The following TENM2 variants were observed in gnomAD, a reference collection of about 807,000 sequenced individuals.
TENM2 encodes teneurin-2.
Under a neutral mutation model 245.2 loss-of-function variants are expected in TENM2, and 52 were observed. The observed-to-expected ratio is 0.21, with a 90% CI of 0.17 to 0.27. The LOEUF (loss-of-function observed/expected upper bound fraction) is 0.27. Ranked by LOEUF, TENM2 falls within the 10% of genes least tolerant of loss-of-function variation. The pLI, the probability that TENM2 is intolerant of heterozygous loss-of-function variation, is 1.00. For missense variants in TENM2, 3,046 were observed against 3,666.8 expected, an observed-to-expected ratio of 0.83 and a Z score of 4.37; for synonymous variants, 1,363 against 1,438.9, an observed-to-expected ratio of 0.95 and a Z score of 1.19.
At chr5:167,334,299 T>A (rs559814678) in intron 1 of TENM2, among the ~76,000 whole-genome samples, 2 of 152,286 alleles carry the variant, frequency 1.3e-5, no homozygotes, top group African/African-American at 4.8e-5. Context: ...AACTGACCTT[T>A]AGCAGATCCA....
At chr5:167,794,933 T>C (rs1033686076) in intron 2 of TENM2, among the ~76,000 whole-genome samples, 8 of 152,220 alleles carry the variant, frequency 5.3e-5, no homozygotes, top group Admixed American at 1.3e-4. Flanking sequence ...GAGGTTAACA[T>C]TGGGGAGACT....
chr5:167,543,423 G>A (rs554671052), intron 2 of TENM2, among the ~76,000 whole-genome samples: 1 of 152,222 alleles, frequency 6.6e-6, no homozygotes, highest in African/African-American at 2.4e-5. Flanking sequence ...CAAGGTGCCT[G>A]GATATAGGGA....
chr5:168,033,897 G>A lies in TENM2; in HGVS notation c.1187-13530G>A, dbSNP rs147950624. On this transcript the variant is annotated intron_variant, in intron 5 of 28. Transcript: ENST00000518659. ...CAAAAATTAGCCAGGTGTGGTTGTG[G>A]GCACCTATAGTCCCAGCTACTCTGG... Among the ~76,000 whole-genome samples the A allele has an allele frequency of 5.9e-3, 890 of 151,778 alleles. 6 individuals carry two copies. Among genetic ancestry groups the A allele is most frequent in the East Asian group, 0.036 (183 of 5,146 alleles).
At chr5:168,219,457 G>A (rs1466994999) in intron 23 of TENM2, among the ~76,000 whole-genome samples, 1 of 152,118 alleles carries the variant, frequency 6.6e-6, no homozygotes, top group South Asian at 2.1e-4. Flanking sequence ...GAAGCAGATC[G>A]ATACAGATAA....
chr5:167,842,293 C>CA (rs200638374), intron 2 of TENM2, among the ~76,000 whole-genome samples: 219 of 151,826 alleles, frequency 1.4e-3, no homozygotes, highest in African/African-American at 4.8e-3. Flanking sequence ...CAAAACAAAA[C>CA]AAAAAAAACT....
chr5:167,140,587 C>T, the TENM2 span, among the ~76,000 whole-genome samples: 1 of 152,230 alleles, frequency 6.6e-6, no homozygotes, highest in African/African-American at 2.4e-5. Context: ...TTTCCTGAAA[C>T]TGACATAATG....
intron 5 of TENM2, among the ~76,000 whole-genome samples, chr5:168,013,525 A>C (rs1785423687): frequency 6.6e-6 from 1 of 152,138 alleles, no homozygotes; most frequent in African/African-American, 2.4e-5. Flanking sequence ...AATCACTGGA[A>C]CCCAGTAAGC....
At chr5:168,006,387 A>C (rs1784821602) in intron 5 of TENM2, among the ~76,000 whole-genome samples, 1 of 152,182 alleles carries the variant, frequency 6.6e-6, no homozygotes, top group South Asian at 2.1e-4. Context: ...AAGGTTTTCC[A>C]CATGTGCATA....
At chr5:167,669,694 T>C (rs1326268505) in intron 2 of TENM2, among the ~76,000 whole-genome samples, 1 of 152,096 alleles carries the variant, frequency 6.6e-6, no homozygotes, top group African/African-American at 2.4e-5. Context: ...GGCTTCATAC[T>C]GATTGTACTT....
At chr5:167,313,802 T>A (rs1443194956) in intron 1 of TENM2, among the ~76,000 whole-genome samples, 1 of 152,228 alleles carries the variant, frequency 6.6e-6, no homozygotes, top group African/African-American at 2.4e-5. Flanking sequence ...GTAGTCATTT[T>A]AATTCCAAAT....
At chr5:167,986,714 C>A (rs746129262) in intron 4 of TENM2, among the ~76,000 whole-genome samples, 1 of 152,190 alleles carries the variant, frequency 6.6e-6, no homozygotes, top group Non-Finnish European at 1.5e-5. Flanking sequence ...AGCTGAGCTA[C>A]TTCCATGACC....
intron 2 of TENM2, among the ~76,000 whole-genome samples, chr5:167,871,557 A>T (rs570280457): frequency 6.6e-6 from 1 of 152,344 alleles, no homozygotes; most frequent in African/African-American, 2.4e-5. Context: ...ACTTTGATTT[A>T]CATGGGGATC....
intron 5 of TENM2, among the ~76,000 whole-genome samples, chr5:168,002,895 C>A (rs1477786575): frequency 1.3e-5 from 2 of 152,136 alleles, no homozygotes; most frequent in East Asian, 1.9e-4. Flanking sequence ...GCCTTAATAT[C>A]CAGGATATTT....
intron 2 of TENM2, among the ~76,000 whole-genome samples, chr5:167,773,158 A>G (rs1763514102): frequency 6.6e-6 from 1 of 152,196 alleles, no homozygotes; most frequent in South Asian, 2.1e-4. Context: ...CTGTTTGAGA[A>G]ATATGGTTAG....
intron 25 of TENM2, 134 bp downstream of exon 27, chr5:168,228,264 C>G: frequency 1.4e-6 from 1 of 711,654 alleles, no homozygotes; most frequent in Non-Finnish European, 2.3e-6. Flanking sequence ...GAGAAAGTTT[C>G]CCAGCTTCAA....
chr5:167,733,881 C>T (rs1760610647), intron 2 of TENM2, among the ~76,000 whole-genome samples: 1 of 152,144 alleles, frequency 6.6e-6, no homozygotes, highest in Non-Finnish European at 1.5e-5. Context: ...TGCCACAGAA[C>T]CCACAGGGAA....
intron 3 of TENM2, among the ~76,000 whole-genome samples, chr5:167,876,701 T>C (rs374598791): frequency 1.6e-4 from 25 of 152,326 alleles, no homozygotes; most frequent in African/African-American, 5.8e-4. Flanking sequence ...TTGACATCAG[T>C]ACTGAATGTC....
intron 15 of TENM2, among the ~76,000 whole-genome samples, chr5:168,198,213 T>TG (rs1562270872): frequency 2.1e-5 from 3 of 146,310 alleles, no homozygotes; most frequent in African/African-American, 5.2e-5. Flanking sequence ...TTTTTTTTTT[T>TG]GAGACAGAGT....
At chr5:168,215,299 C>T (rs970358977) in intron 21 of TENM2, 27 bp downstream of exon 23, 44 of 1,588,360 alleles carry the variant, frequency 2.8e-5, no homozygotes, top group East Asian at 4.5e-5. Context: ...AAGAGTCTCC[C>T]GCCCCAGATA....
Sources: allele counts gnomAD v4.1 joint callset (sites outside exome capture counted in the v4.1 genomes callset), GRCh38; gene constraint gnomAD v4.1.1; transcripts MANE v1.5; gene names NCBI Gene and HGNC (gene_info 2026-07-23, HGNC 2026-07-21).